Variants in TMEM245 observed in about 807,000 individuals in gnomAD.
The protein encoded by TMEM245 is protein CG-2.
In TMEM245, 69 loss-of-function variants were observed where a neutral mutation model predicts 101.2. The ratio of observed to expected loss-of-function variants is 0.68; its 90% confidence interval spans 0.56 to 0.83. The LOEUF is 0.83. Among genes scored for constraint, TMEM245 ranks in the 40% least tolerant of loss-of-function variants. The pLI is 0.00. For synonymous variants in TMEM245, 537 were observed against 449.8 expected (o/e 1.19, Z -2.45); for missense variants, 1,075 against 1,092.8 (o/e 0.98, Z 0.23).
In TMEM245 at chr9:109,111,970, T is replaced by C. The variant is rs555827292; in HGVS notation, c.580-3400A>G. Among the ~76,000 whole-genome samples, 8 of 152,342 alleles carry C rather than the reference T, an allele frequency of 5.3e-5. 1 individual carries two copies. In the South Asian group the frequency reaches 1.4e-3, roughly 28 times the overall value. On this transcript the variant is annotated intron_variant, in intron 1 of 17. Coordinates refer to ENST00000374586, the MANE Select transcript of TMEM245 (RefSeq NM_032012.4). Reference sequence around the variant, plus strand: ...CAGAAAAAGAAGTATTTTTAACCTTTAGGAAATTCTTTTGGCTTCTGGATT... The same window carrying C: ...CAGAAAAAGAAGTATTTTTAACCTTCAGGAAATTCTTTTGGCTTCTGGATT...
At chr9:109,047,007 C>CA (rs1007205516) in intron 14 of TMEM245, among the ~76,000 whole-genome samples, 14 of 151,444 alleles carry the variant, frequency 9.2e-5, no homozygotes, top group East Asian at 3.9e-4. Context: ...ACTTAAACTG[C>CA]AAAAAAAACA....
chr9:109,111,829 C>CA (rs148320703), intron 1 of TMEM245, among the ~76,000 whole-genome samples: 8,808 of 152,096 alleles, frequency 0.058, 871 homozygotes, highest in African/African-American at 0.2. Context: ...ATATACTCAA[C>CA]AAAAAATGTT....
intron 11 of TMEM245, among the ~76,000 whole-genome samples, chr9:109,058,005 A>ATT (rs545868479): frequency 4.6e-4 from 37 of 81,104 alleles, no homozygotes; most frequent in East Asian, 1.9e-3. Flanking sequence ...TCCTTTCCTC[A>ATT]TTTTTTTTTT....
At chr9:109,114,233 T>TA (rs760965581) in intron 1 of TMEM245, among the ~76,000 whole-genome samples, 2 of 152,210 alleles carry the variant, frequency 1.3e-5, no homozygotes, top group South Asian at 2.1e-4. Flanking sequence ...TATGGCAACT[T>TA]AGAGTCAACA....
At chr9:109,046,682 T>C (rs951656640) in intron 14 of TMEM245, among the ~76,000 whole-genome samples, 2 of 152,244 alleles carry the variant, frequency 1.3e-5, no homozygotes, top group African/African-American at 2.4e-5. Flanking sequence ...ACATAGATGA[T>C]GATTAATGAC....
At chr9:109,111,067 G>A (rs1830554579) in intron 1 of TMEM245, among the ~76,000 whole-genome samples, 1 of 151,760 alleles carries the variant, frequency 6.6e-6, no homozygotes, top group Non-Finnish European at 1.5e-5. Flanking sequence ...ATGTAGCTAG[G>A]GGAAAAAGAA....
At chr9:109,063,937 A>T (rs1829090084) in intron 10 of TMEM245, among the ~76,000 whole-genome samples, 1 of 152,240 alleles carries the variant, frequency 6.6e-6, no homozygotes, top group African/African-American at 2.4e-5. Context: ...GCTACAGTAG[A>T]AACAAAGGAT....
intron 3 of TMEM245, among the ~76,000 whole-genome samples, chr9:109,096,930 C>T (rs1047644018): frequency 2.0e-5 from 3 of 152,230 alleles, no homozygotes; most frequent in Admixed American, 6.5e-5. Flanking sequence ...TAAATGCCTA[C>T]TAAGCATTCA....
At chr9:109,118,225 G>C (rs1830781876) in intron 1 of TMEM245, among the ~76,000 whole-genome samples, 1 of 152,196 alleles carries the variant, frequency 6.6e-6, no homozygotes, top group Admixed American at 6.5e-5. Flanking sequence ...GTGGTATTGA[G>C]GGAACAAGAG....
intron 12 of TMEM245, among the ~76,000 whole-genome samples, chr9:109,053,716 C>G (rs996897923): frequency 1.3e-5 from 2 of 152,198 alleles, no homozygotes; most frequent in African/African-American, 4.8e-5. Context: ...TTATTAACTT[C>G]GTTTCCCAGT....
At position 109,043,975 on chromosome 9, in the gene TMEM245, G is replaced by A. The variant is rs118088500; in HGVS notation, c.2124-5858C>T. Among the ~76,000 whole-genome samples the A allele has an allele frequency of 4.8e-4, 73 of 152,188 alleles. 2 individuals carry two copies. In the East Asian group the frequency reaches 0.013, roughly 26 times the overall value. Reference sequence around the variant, plus strand: ...ATAAAGCCTACTGTATATTTATACCGTATGGCACTAAAGGTGTGAATATCC... The same window carrying A: ...ATAAAGCCTACTGTATATTTATACCATATGGCACTAAAGGTGTGAATATCC... On this transcript the variant is annotated intron_variant, in intron 14 of 17. Transcript: ENST00000374586.
chr9:109,106,696 C>T, intron 2 of TMEM245, 87 bp from the exon 3 acceptor site: 3 of 872,272 alleles, frequency 3.4e-6, no homozygotes, highest in South Asian at 2.0e-5. Flanking sequence ...TTTGACAGAA[C>T]AATCTGGTAT....
chr9:109,073,225 T>C, intron 9 of TMEM245, 131 bp downstream of exon 9: 1 of 698,534 alleles, frequency 1.4e-6, no homozygotes, highest in East Asian at 2.6e-5. Flanking sequence ...AAAATGACAA[T>C]ATTTATCAAA....
rs905568394 is a variant in TMEM245, at chr9:109,119,513, C to T, written c.401G>A (p.Gly134Asp). 5 of 1,521,226 alleles carry T rather than the reference C, an allele frequency of 3.3e-6. No homozygotes were observed. The African/African-American group carries it at 4.3e-5, about 13-fold the overall frequency. The allele number at this position is 1,521,226 out of a possible 1,614,324, so 94.2% of individuals were successfully genotyped here. ...LLLPLCFVDY[G>D]VEALGEQALR... is the part of the protein sequence containing the mutation. ...CGCCTGCTCGCCCAGGGCCTCGACGCCGTAGTCGACGAAGCAGAGCGGCAG... is the reference window on the plus strand; with the variant it reads ...CGCCTGCTCGCCCAGGGCCTCGACGTCGTAGTCGACGAAGCAGAGCGGCAG... Residue 134 changes from glycine to aspartate, a missense_variant, in exon 1 of 18, where the codon GGC becomes GAC. By Grantham distance (94) the Gly-to-Asp change is moderately conservative. Coordinates refer to ENST00000374586, the MANE Select transcript of TMEM245 (RefSeq NM_032012.4).
intron 17 of TMEM245, among the ~76,000 whole-genome samples, chr9:109,027,462 C>T (rs937550513): frequency 1.3e-5 from 2 of 152,218 alleles, no homozygotes; most frequent in South Asian, 4.1e-4. Context: ...ATCTTGAAGG[C>T]TGTCCAGACC....
chr9:109,119,532 G>A lies in TMEM245; in HGVS notation c.382C>T (p.Leu128Phe). The A allele has an allele frequency of 1.3e-6, 2 of 1,529,748 alleles. No homozygotes were observed. Among genetic ancestry groups the A allele is most frequent in the South Asian group, 1.2e-5 (1 of 83,362 alleles). The allele number at this position is 1,529,748 out of a possible 1,614,324, so 94.8% of individuals were successfully genotyped here. The change falls in exon 1 of 18, where the codon CTC becomes TTC. Residue 128 changes from leucine to phenylalanine, a missense_variant. Around this residue, in one of 2 missense-constraint regions of TMEM245, gnomAD observed 808 missense variants for 741.5 expected, o/e 1.09. Coordinates refer to ENST00000374586, the MANE Select transcript of TMEM245 (RefSeq NM_032012.4). ...TCGACGCCGTAGTCGACGAAGCAGA[G>A]CGGCAGGAGCAGCGCGGCCAGGACG... is the stretch of plus-strand genomic sequence containing the variant. Reference protein sequence around the residue: ...PIVLAALLLPLCFVDYGVEAL... With the variant: ...PIVLAALLLPFCFVDYGVEAL...
At position 109,033,428 on chromosome 9, in the gene TMEM245, T is replaced by C. The variant is rs1289960424; in HGVS notation, c.2473A>G (p.Ile825Val). 3.7e-6 allele frequency: 6 copies of C among 1,614,018 alleles called. No individual in the cohort carries two copies. The highest frequency in any genetic ancestry group is 1.3e-5 in the African/African-American group (1 of 74,920). The change falls in exon 17 of 18, where the codon ATC becomes GTC. Residue 825 changes from isoleucine to valine, a missense_variant. By Grantham distance (29) the Ile-to-Val change is conservative (BLOSUM62 3). Coordinates refer to ENST00000374586, the MANE Select transcript of TMEM245 (RefSeq NM_032012.4). ...AYYLGLEGAI[I>V]GPILLCILVV... ...AGTATGCAGAGAAGAATAGGACCGA[T>C]GATTGCTCCTTCCAGGCCTAGGTAG... is the stretch of plus-strand genomic sequence containing the variant.
At chr9:109,107,782 G>C (rs1454662950) in intron 2 of TMEM245, among the ~76,000 whole-genome samples, 2 of 152,136 alleles carry the variant, frequency 1.3e-5, no homozygotes, top group Non-Finnish European at 2.9e-5. Flanking sequence ...GGAGATGAAA[G>C]TCTCAACCAT....
Position 109,022,579 on chromosome 9 carries a change from T to C in TMEM245, c.2595-2074A>G, listed in dbSNP as rs1827664627. Reference sequence around the variant, plus strand: ...GTTTTGCAGCATCCCCGGCCTCTATTCAACTAGAATGCCAATCAAAATGAC... The same window carrying C: ...GTTTTGCAGCATCCCCGGCCTCTATCCAACTAGAATGCCAATCAAAATGAC... On this transcript the variant is annotated intron_variant, in intron 17 of 17. Transcript: ENST00000374586. 2.0e-5 allele frequency among the ~76,000 whole-genome samples: 3 copies of C among 152,184 alleles called. No individual in the cohort carries two copies. In the South Asian group the frequency reaches 6.2e-4, roughly 32 times the overall value.
Sources: gnomAD v4.1 joint callset for allele counts (sites outside exome capture counted in the v4.1 genomes callset) on GRCh38, gnomAD v4.1.1 for gene constraint, gnomAD v4.1.1 regional missense constraint, MANE v1.5 for transcripts, NCBI Gene and HGNC (gene_info 2026-07-23, HGNC 2026-07-21) for gene names.